The following SNTG2 variants were observed in gnomAD, a reference collection of about 807,000 sequenced individuals.
The protein encoded by SNTG2 is syntrophin gamma 2.
SNTG2 carries 74 observed loss-of-function variants against 70.9 expected under a neutral mutation model. That is an observed-to-expected ratio of 1.04 (90% CI 0.86 to 1.27). The LOEUF (loss-of-function observed/expected upper bound fraction) is 1.27, where lower values mean the gene tolerates loss of function less well. Among genes scored for constraint, SNTG2 ranks in the 50% most tolerant of loss-of-function variants. SNTG2 has a pLI of 0.00. For synonymous variants in SNTG2, 278 were observed against 273.8 expected, an observed-to-expected ratio of 1.02 and a Z score of -0.15; for missense variants, 717 against 690.7, an observed-to-expected ratio of 1.04 and a Z score of -0.43.
intron 15 of SNTG2, among the ~76,000 whole-genome samples, chr2:1,312,116 GA>G (rs573149297): frequency 6.6e-6 from 1 of 151,150 alleles, no homozygotes; most frequent in Non-Finnish European, 1.5e-5. Context: ...AGGTAAGCAG[GA>G]AAAAAAATGT....
At chr2:1,362,966 A>G (rs1661279972) in intron 16 of SNTG2, among the ~76,000 whole-genome samples, 1 of 152,152 alleles carries the variant, frequency 6.6e-6, no homozygotes, top group Non-Finnish European at 1.5e-5. Context: ...CACGAAAATG[A>G]CTGACACTGA....
chr2:1,037,800 A>T (rs10210283), intron 1 of SNTG2, among the ~76,000 whole-genome samples: 1 of 151,808 alleles, frequency 6.6e-6, no homozygotes. Context: ...TTGCTGAATA[A>T]TATTCCATTT....
intron 14 of SNTG2, among the ~76,000 whole-genome samples, chr2:1,305,465 G>A (rs1680633333): frequency 6.6e-6 from 1 of 152,186 alleles, no homozygotes; most frequent in Non-Finnish European, 1.5e-5. Flanking sequence ...TGGGGTGTGT[G>A]TGCCAATTAG....
chr2:1,230,271 C>A (rs977814946), intron 9 of SNTG2, among the ~76,000 whole-genome samples: 3 of 152,204 alleles, frequency 2.0e-5, no homozygotes, highest in African/African-American at 7.2e-5. Context: ...GATGACCTGC[C>A]TGGTATATCA....
chr2:1,216,491 C>T lies in SNTG2; in HGVS notation c.719+7261C>T, dbSNP rs534551232. On this transcript the variant is annotated intron_variant, in intron 9 of 16. Transcript: ENST00000308624. ...GATGAGTAGATTGCAAAAATTTTCT[C>T]CCATTCTGTAGGTTGCCTGTTCACT... is the stretch of plus-strand genomic sequence containing the variant. 2.0e-5 allele frequency among the ~76,000 whole-genome samples: 3 copies of T among 152,164 alleles called. No homozygotes were observed. In the East Asian group the frequency reaches 5.8e-4, roughly 29 times the overall value.
In SNTG2 at chr2:1,267,509, G is replaced by A. The variant is rs201124856; in HGVS notation, c.1222G>A (p.Glu408Lys). Residue 408 changes from glutamate to lysine, a missense_variant, in exon 14 of 17, where the codon GAG (glutamate) becomes AAG (lysine). Physicochemically the swap from Glu to Lys is moderately conservative, Grantham distance 56. Transcript: ENST00000308624. ...SHVFNVELGS[E>K]LAMWEKSFQR... is the part of the protein sequence containing the mutation. ...TGTTTTCAACGTGGAGCTTGGCAGC[G>A]AGCTGGCCATGTGGGAGAAGTCCTT... is the stretch of plus-strand genomic sequence containing the variant. 1,097 of 1,613,828 alleles carry A rather than the reference G, an allele frequency of 6.8e-4. No individual in the cohort carries two copies. The highest frequency in any genetic ancestry group is 8.6e-4 in the Non-Finnish European group (1,013 of 1,179,898).
intron 10 of SNTG2, among the ~76,000 whole-genome samples, chr2:1,239,031 C>G (rs1184403927): frequency 6.6e-6 from 1 of 152,194 alleles, no homozygotes; most frequent in African/African-American, 2.4e-5. Context: ...GAAGGAAGTA[C>G]CAGGACCTTC....
chr2:1,314,509 G>C (rs1413325393), intron 15 of SNTG2, among the ~76,000 whole-genome samples: 1 of 152,228 alleles, frequency 6.6e-6, no homozygotes, highest in Non-Finnish European at 1.5e-5. Context: ...AGCAGGGCAG[G>C]AGTGGCTCGG....
chr2:1,063,533 G>C (rs1290800164), intron 1 of SNTG2, among the ~76,000 whole-genome samples: 1 of 152,160 alleles, frequency 6.6e-6, no homozygotes, highest in Admixed American at 6.5e-5. Context: ...GAAACCCAGG[G>C]ATGACCCTGA....
chr2:1,340,082 C>T (rs1271921420), intron 16 of SNTG2, among the ~76,000 whole-genome samples: 1 of 152,256 alleles, frequency 6.6e-6, no homozygotes, highest in African/African-American at 2.4e-5. Flanking sequence ...TCCATGGCCT[C>T]TGACAATTTT....
intron 1 of SNTG2, among the ~76,000 whole-genome samples, chr2:1,032,141 A>C (rs1660874532): frequency 1.3e-5 from 2 of 152,218 alleles, no homozygotes; most frequent in Admixed American, 1.3e-4. Flanking sequence ...CCAAAGTGAA[A>C]CACGGGCAGG....
intron 1 of SNTG2, among the ~76,000 whole-genome samples, chr2:1,003,997 A>G (rs1266086085): frequency 6.6e-6 from 1 of 152,226 alleles, no homozygotes; most frequent in Non-Finnish European, 1.5e-5. Context: ...ACCTGTCATG[A>G]CCTGAATTAC....
chr2:1,311,387 C>A (rs896936276), intron 15 of SNTG2, among the ~76,000 whole-genome samples: 1 of 152,184 alleles, frequency 6.6e-6, no homozygotes, highest in African/African-American at 2.4e-5. Flanking sequence ...CACATGACAA[C>A]ATAAACAATT....
Position 1,304,498 on chromosome 2 carries a change from G to A in SNTG2, c.1285-3996G>A, listed in dbSNP as rs142209470. 6.1e-3 allele frequency among the ~76,000 whole-genome samples: 928 copies of A among 152,240 alleles called. 4 individuals carry two copies. The highest frequency in any genetic ancestry group is 0.034 in the Middle Eastern group (10 of 294). On this transcript the variant is annotated intron_variant, in intron 14 of 16. Transcript: ENST00000308624. ...TCTCAGCACTTTGGGAGGCCAAGGC[G>A]GGTGGATCACTGCGTTCAGAAGTTT...
intron 1 of SNTG2, among the ~76,000 whole-genome samples, chr2:1,016,834 A>G (rs934465115): frequency 6.6e-6 from 1 of 152,198 alleles, no homozygotes; most frequent in Non-Finnish European, 1.5e-5. Flanking sequence ...GTGTGTTGAA[A>G]GGTGAAGCTG....
At chr2:1,073,532 T>G (rs865988486) in intron 1 of SNTG2, among the ~76,000 whole-genome samples, 1 of 152,236 alleles carries the variant, frequency 6.6e-6, no homozygotes, top group Admixed American at 6.5e-5. Context: ...AACATAACTT[T>G]TATATGCACT....
intron 4 of SNTG2, among the ~76,000 whole-genome samples, chr2:1,099,988 C>G (rs546544779): frequency 2.6e-5 from 4 of 152,128 alleles, no homozygotes; most frequent in Non-Finnish European, 5.9e-5. Context: ...GGCCAGCAAG[C>G]CCCGAAACCC....
chr2:1,205,984 A>G (rs542756039), intron 8 of SNTG2, among the ~76,000 whole-genome samples: 7 of 152,188 alleles, frequency 4.6e-5, no homozygotes, highest in Non-Finnish European at 1.0e-4. Flanking sequence ...CCTCATCTAA[A>G]ATTGGTTTCC....
At chr2:1,355,083 C>T (rs1660771769) in intron 16 of SNTG2, among the ~76,000 whole-genome samples, 1 of 152,234 alleles carries the variant, frequency 6.6e-6, no homozygotes, top group Admixed American at 6.5e-5. Context: ...CCAAGCCCTA[C>T]AACACATTTC....
Sources: allele counts gnomAD v4.1 joint callset (sites outside exome capture counted in the v4.1 genomes callset), GRCh38; gene constraint gnomAD v4.1.1; transcripts MANE v1.5; gene names NCBI Gene and HGNC (gene_info 2026-07-23, HGNC 2026-07-21).